Variants in MKLN1 observed in about 807,000 individuals in gnomAD.
MKLN1 encodes the protein muskelin 1.
A neutral mutation model predicts 99.0 loss-of-function variants in MKLN1; 18 were observed. The ratio of observed to expected loss-of-function variants is 0.18; its 90% CI spans 0.13 to 0.27. The LOEUF (loss-of-function observed/expected upper bound fraction) is 0.27, where lower values mean the gene tolerates loss of function less well. Among genes scored for constraint, MKLN1 ranks in the 10% least tolerant of loss-of-function variants. MKLN1 has a pLI of 1.00. For missense variants in MKLN1, 621 were observed against 875.9 expected (o/e 0.71, Z 3.67); for synonymous variants, 288 against 293.2 (o/e 0.98, Z 0.18).
At chr7:131,430,204 G>A (rs1362910319) in intron 9 of MKLN1, among the ~76,000 whole-genome samples, 2 of 152,164 alleles carry the variant, frequency 1.3e-5, no homozygotes, top group Non-Finnish European at 2.9e-5. Context: ...GATCTAGGAA[G>A]GCCATTTCCA....
intron 2 of MKLN1, among the ~76,000 whole-genome samples, chr7:131,175,061 TGG>T (rs1274201584): frequency 1.3e-5 from 2 of 151,122 alleles, no homozygotes; most frequent in Non-Finnish European, 2.9e-5. Context: ...GATGGATGGA[TGG>T]ATGGATGGAT....
chr7:131,235,496 G>C (rs1055188882), intron 3 of MKLN1, among the ~76,000 whole-genome samples: 1 of 152,128 alleles, frequency 6.6e-6, no homozygotes, highest in African/African-American at 2.4e-5. Context: ...TCACCTTCGT[G>C]AACAGACTTC....
chr7:131,179,408 G>A (rs911498070), intron 2 of MKLN1, among the ~76,000 whole-genome samples: 3 of 152,114 alleles, frequency 2.0e-5, no homozygotes, highest in Admixed American at 6.6e-5. Flanking sequence ...ACATGGAGAA[G>A]AATTATGATG....
chr7:131,411,196 G>T, intron 6 of MKLN1, 110 bp from the exon 7 acceptor site: 1 of 592,056 alleles, frequency 1.7e-6, no homozygotes. Flanking sequence ...TTGTATTAGT[G>T]ACATATTAGT....
intron 1 of MKLN1, among the ~76,000 whole-genome samples, chr7:131,359,989 T>C (rs1199690883): frequency 6.6e-6 from 1 of 152,144 alleles, no homozygotes; most frequent in Non-Finnish European, 1.5e-5. Context: ...CTTCAAATGA[T>C]CCACCCGCCT....
At chr7:131,479,752 A>G (rs1345527506) in intron 17 of MKLN1, among the ~76,000 whole-genome samples, 2 of 152,000 alleles carry the variant, frequency 1.3e-5, no homozygotes, top group African/African-American at 2.4e-5. Context: ...GCGGTAACCC[A>G]GGAGGCAGAG....
At chr7:131,376,055 A>G (rs919074992) in intron 2 of MKLN1, among the ~76,000 whole-genome samples, 15 of 145,558 alleles carry the variant, frequency 1.0e-4, no homozygotes, top group African/African-American at 3.5e-4. Flanking sequence ...ATGGGTAAAT[A>G]ATACTTACTT....
rs560977133 is a variant in MKLN1, at chr7:131,440,568, A to G, written c.1173+2571A>G. On this transcript the variant is annotated intron_variant, in intron 10 of 17. Transcript: ENST00000352689. ...AGAAAAATAACAATAAATGAAAGTT[A>G]TATCCCAGTACATTACCCCTTTCAG... Among the ~76,000 whole-genome samples the G allele has an allele frequency of 6.6e-5, 10 of 152,330 alleles. 1 individual carries two copies. In the South Asian group the frequency reaches 2.1e-3, roughly 32 times the overall value.
At chr7:131,478,535 T>C (rs1797027144) in intron 16 of MKLN1, 88 bp from the exon 17 acceptor site, 1 of 1,325,182 alleles carries the variant, frequency 7.5e-7, no homozygotes, top group Admixed American at 3.0e-5. Context: ...TGCTGATAAA[T>C]GGTCAAAGTT....
chr7:131,254,605 T>A (rs547369277), intron 3 of MKLN1, among the ~76,000 whole-genome samples: 17 of 152,000 alleles, frequency 1.1e-4, no homozygotes, highest in East Asian at 3.9e-4. Context: ...AGATTTTTTT[T>A]TAAAAAAGAA....
chr7:131,189,469 T>C (rs952228436), intron 2 of MKLN1, among the ~76,000 whole-genome samples: 1 of 151,952 alleles, frequency 6.6e-6, no homozygotes, highest in Non-Finnish European at 1.5e-5. Context: ...AGAGTAAACA[T>C]AGATAGCTCT....
intron 2 of MKLN1, among the ~76,000 whole-genome samples, chr7:131,376,742 T>A: frequency 6.6e-6 from 1 of 151,660 alleles, no homozygotes; most frequent in African/African-American, 2.4e-5. Flanking sequence ...AAATGGAAAG[T>A]GACTGCTATC....
intron 5 of MKLN1, among the ~76,000 whole-genome samples, chr7:131,398,112 T>C (rs1346537072): frequency 1.3e-5 from 2 of 152,194 alleles, no homozygotes; most frequent in Non-Finnish European, 2.9e-5. Flanking sequence ...TCTTGCCTTA[T>C]TAAAGGGTCA....
intron 1 of MKLN1, among the ~76,000 whole-genome samples, chr7:131,128,732 G>A (rs908983930): frequency 2.0e-5 from 3 of 151,506 alleles, no homozygotes; most frequent in Non-Finnish European, 4.4e-5. Flanking sequence ...ATCCTTCCAG[G>A]TAGCTAGGAC....
intron 3 of MKLN1, among the ~76,000 whole-genome samples, chr7:131,295,242 A>G (rs1798273337): frequency 6.6e-6 from 1 of 152,134 alleles, no homozygotes; most frequent in African/African-American, 2.4e-5. Flanking sequence ...CCTGGGCTCA[A>G]GCAATCCTCC....
chr7:131,486,485 A>G (rs1797281813), intron 17 of MKLN1, among the ~76,000 whole-genome samples: 1 of 152,152 alleles, frequency 6.6e-6, no homozygotes, highest in South Asian at 2.1e-4. Flanking sequence ...TTTTCCTTCC[A>G]GGAAACTGGT....
intron 1 of MKLN1, among the ~76,000 whole-genome samples, chr7:131,339,166 A>G (rs1357903256): frequency 6.6e-6 from 1 of 152,200 alleles, no homozygotes; most frequent in Admixed American, 6.5e-5. Flanking sequence ...GGGAGTCAAA[A>G]GTCATACATG....
chr7:131,273,822 T>C (rs932366508), intron 3 of MKLN1, among the ~76,000 whole-genome samples: 8 of 151,916 alleles, frequency 5.3e-5, no homozygotes, highest in African/African-American at 1.9e-4. Flanking sequence ...AGATCCCATC[T>C]CTAGAAAAAC....
intron 1 of MKLN1, among the ~76,000 whole-genome samples, chr7:131,331,604 A>G (rs956742595): frequency 6.6e-6 from 1 of 151,962 alleles, no homozygotes; most frequent in Non-Finnish European, 1.5e-5. Context: ...GGGCAACACA[A>G]TGAGACCCCA....
Sources: gnomAD v4.1 joint callset for allele counts (sites outside exome capture counted in the v4.1 genomes callset) on GRCh38, gnomAD v4.1.1 for gene constraint, MANE v1.5 for transcripts, NCBI Gene and HGNC (gene_info 2026-07-23, HGNC 2026-07-21) for gene names.